The following CLCN1 variants were observed in gnomAD, a reference collection of about 807,000 sequenced individuals.
CLCN1 encodes the protein chloride voltage-gated channel 1, also known as chloride channel protein 1.
Under a neutral mutation model 114.5 loss-of-function variants are expected in CLCN1, and 100 were observed. The observed-to-expected ratio is 0.87, with a 90% confidence interval of 0.74 to 1.03. The LOEUF is 1.03. CLCN1 is among the 50% of genes least tolerant of loss of function. The pLI is 0.00. For synonymous variants in CLCN1, 485 were observed against 487.1 expected, an observed-to-expected ratio of 1.00 and a Z score of 0.06; for missense variants, 1,188 against 1,250.0, an observed-to-expected ratio of 0.95 and a Z score of 0.75.
Position 143,321,015 on chromosome 7 carries a change from C to G in CLCN1, c.433+220C>G, listed in dbSNP as rs1466907896. 6.6e-6 allele frequency among the ~76,000 whole-genome samples: 1 copy of G among 152,148 alleles called. No individual in the cohort carries two copies. Among genetic ancestry groups the G allele is most frequent in the Non-Finnish European group, 1.5e-5 (1 of 68,018 alleles). On this transcript the variant is annotated intron_variant, in intron 3 of 22. Coordinates refer to ENST00000343257, the MANE Select transcript of CLCN1 (RefSeq NM_000083.3). This position sits in a 1 kb window ranked among gnomAD's most constrained non-coding sequence, Gnocchi z 4.2. Reference sequence around the variant, plus strand: ...TCACTGCCACCCAAGCAGTGGATGCCCCTCTAATAGGGTGGCCAACTTGCC... The same window carrying G: ...TCACTGCCACCCAAGCAGTGGATGCGCCTCTAATAGGGTGGCCAACTTGCC...
At chr7:143,331,066 A>G (rs1376859292) in intron 8 of CLCN1, among the ~76,000 whole-genome samples, 166 bp from the exon 9 acceptor site, 1 of 152,172 alleles carries the variant, frequency 6.6e-6, no homozygotes, top group Admixed American at 6.5e-5. Flanking sequence ...ATGGAGTGGG[A>G]GAGTATATCC....
At chr7:143,343,731 T>TC (rs1803151126) in intron 16 of CLCN1, among the ~76,000 whole-genome samples, 1 of 152,070 alleles carries the variant, frequency 6.6e-6, no homozygotes, top group Non-Finnish European at 1.5e-5. Flanking sequence ...TTTCTTTCCT[T>TC]CTTTTTCTTT....
chr7:143,317,678 A>G (rs1802323765), intron 1 of CLCN1, among the ~76,000 whole-genome samples: 2 of 151,952 alleles, frequency 1.3e-5, no homozygotes, highest in South Asian at 4.1e-4. Context: ...TGGGGGTCAA[A>G]AGGATCTGCT....
rs1802439916 is a variant in CLCN1 at position 143,321,702 on chromosome 7, T to G, written c.563-13T>G. 1 of 1,614,240 alleles carries G rather than the reference T, an allele frequency of 6.2e-7. No individual in the cohort carries two copies. The highest frequency in any genetic ancestry group is 8.5e-7 in the Non-Finnish European group (1 of 1,180,042). On this transcript the variant is annotated splice_polypyrimidine_tract_variant and intron_variant, in intron 4 of 22. Transcript: ENST00000343257. The surrounding 1 kb of genome is among the most constrained non-coding windows in gnomAD (Gnocchi z 4.2). ...TCACCTTGACCCTGCACATAATCTT[T>G]CAACGCTTTTAGGCTCTGGAATCCC...
At chr7:143,319,906 G>T (rs781557227) in intron 2 of CLCN1, 31 bp downstream of exon 2, 72 of 1,611,822 alleles carry the variant, frequency 4.5e-5, no homozygotes, top group Middle Eastern at 1.6e-4. Flanking sequence ...AAGAAATCTG[G>T]AGTAGAAACA....
At position 143,321,877 on chromosome 7, in the gene CLCN1, TG is replaced by T; in HGVS notation, c.696+32del. On this transcript the variant is annotated intron_variant, in intron 5 of 22. Transcript: ENST00000343257. This position sits in a 1 kb window ranked among gnomAD's most constrained non-coding sequence, Gnocchi z 4.2. ...GGCCTGGCATGACTGAAGCCAGAGC[TG>T]GGAGGGGCCCTCAGGAGCCAGGGTG... 7 of 1,611,628 alleles carry T rather than the reference TG, an allele frequency of 4.3e-6. No homozygotes were observed. The highest frequency in any genetic ancestry group is 1.3e-5 in the African/African-American group (1 of 74,996).
Position 143,324,433 on chromosome 7 carries a change from A to G in CLCN1, c.794A>G (p.Asp265Gly). ...GVYEQPYYYS[D>G]ILTVGCAVGV... ...TAGTAGCAGCCATACTACTACTCTG[A>G]TATCCTGACGGTGGGCTGTGCTGTG... Residue 265 changes from aspartate (D) to glycine (G), a missense_variant, in exon 7 of 23, where the codon GAT (aspartate) becomes GGT (glycine). By Grantham distance (94) the Asp-to-Gly change is moderately conservative (BLOSUM62 -1). Coordinates refer to ENST00000343257, the MANE Select transcript of CLCN1 (RefSeq NM_000083.3). This position sits in a 1 kb window ranked among gnomAD's most constrained non-coding sequence, Gnocchi z 4.6. 6.2e-7 allele frequency: 1 copy of G among 1,613,746 alleles called. No homozygotes were observed. The highest frequency in any genetic ancestry group is 2.2e-5 in the East Asian group (1 of 44,852).
intron 12 of CLCN1, among the ~76,000 whole-genome samples, chr7:143,338,764 G>A (rs1342458245): frequency 1.3e-5 from 2 of 150,298 alleles, no homozygotes; most frequent in African/African-American, 4.9e-5. Context: ...TCCAGCTTGG[G>A]TGCTGGGTGG....
At position 143,347,000 on chromosome 7, in the gene CLCN1, T is replaced by C. The variant is rs145468503; in HGVS notation, c.2403+51T>C. 7.1e-4 allele frequency: 1,031 copies of C among 1,457,284 alleles called. 4 individuals are homozygous for C. The African/African-American group carries it at 0.011, about 15-fold the overall frequency. The allele number at this position is 1,457,284 out of a possible 1,614,324, so 90.3% of individuals were successfully genotyped here. Reference sequence around the variant, plus strand: ...GGTGGATTGTTCTATCAAATGAAGATATTGCTAATTTGTTTCTACCTTCTT... The same window carrying C: ...GGTGGATTGTTCTATCAAATGAAGACATTGCTAATTTGTTTCTACCTTCTT... On this transcript the variant is annotated intron_variant, in intron 20 of 22. Transcript: ENST00000343257.
chr7:143,335,366 C>T (rs1802847091), intron 12 of CLCN1, among the ~76,000 whole-genome samples: 2 of 152,164 alleles, frequency 1.3e-5, no homozygotes. Context: ...GGCTATATTT[C>T]AAGCCTAACA....
intron 6 of CLCN1, chr7:143,323,748 C>A: frequency 2.0e-6 from 1 of 493,360 alleles, no homozygotes; most frequent in Non-Finnish European, 4.1e-6. Context: ...CAATCCCTCA[C>A]CCTACCTCTT....
rs1054928595 is a variant in CLCN1, at chr7:143,324,081, G to A, written c.775-333G>A. Among the ~76,000 whole-genome samples, 1 of 152,178 alleles carries A rather than the reference G, an allele frequency of 6.6e-6. No homozygotes were observed. Among genetic ancestry groups the A allele is most frequent in the Non-Finnish European group, 1.5e-5 (1 of 68,032 alleles). On this transcript the variant is annotated intron_variant, in intron 6 of 22. Coordinates refer to ENST00000343257, the MANE Select transcript of CLCN1 (RefSeq NM_000083.3). This position sits in a 1 kb window ranked among gnomAD's most constrained non-coding sequence, Gnocchi z 4.6. ...TTATTTTGAGACTGCTTGCTGTTTG[G>A]TGCAGGATTTATTAGTACTGCTTTC...
rs1563078729 is a variant in CLCN1, at chr7:143,330,832, G to A, written c.914G>A (p.Gly305Glu). ...TYFAVRNYWR[G>E]FFAATFSAFV... ...TTTGCTGTTCGGAACTACTGGAGAG[G>A]ATTCTTTGCAGCCACGTTCAGCGCC... Residue 305 changes from glycine (G) to glutamate (E), a missense_variant, in exon 8 of 23, where the codon GGA (glycine) becomes GAA (glutamate). By Grantham distance (98) the Gly-to-Glu change is moderately conservative (BLOSUM62 -2). Coordinates refer to ENST00000343257, the MANE Select transcript of CLCN1 (RefSeq NM_000083.3). The A allele has an allele frequency of 5.0e-6, 8 of 1,614,200 alleles. No individual in the cohort carries two copies. The highest frequency in any genetic ancestry group is 6.8e-6 in the Non-Finnish European group (8 of 1,180,046).
At chr7:143,318,919 C>T (rs144858919) in intron 1 of CLCN1, among the ~76,000 whole-genome samples, 1 of 152,342 alleles carries the variant, frequency 6.6e-6, no homozygotes, top group Non-Finnish European at 1.5e-5. Flanking sequence ...GAAATCAGAT[C>T]TCTTCTACTC....
At chr7:143,320,556 TCTC>T in intron 2 of CLCN1, 105 bp from the exon 3 acceptor site, 1 of 491,056 alleles carries the variant, frequency 2.0e-6, no homozygotes, top group East Asian at 6.3e-5. Context: ...GCTGCTTTTC[TCTC>T]TCTCTCTCTC....
At chr7:143,319,634 G>A in intron 1 of CLCN1, 121 bp from the exon 2 acceptor site, 3 of 1,045,238 alleles carry the variant, frequency 2.9e-6, no homozygotes, top group Non-Finnish European at 4.5e-6. Flanking sequence ...CCTGCATGCA[G>A]TCAACACCCA....
intron 12 of CLCN1, among the ~76,000 whole-genome samples, chr7:143,338,639 T>C (rs1802984603): frequency 6.6e-6 from 1 of 151,824 alleles, no homozygotes; most frequent in Admixed American, 6.6e-5. Context: ...TACAAAAAAT[T>C]AGCTGGGCAT....
At chr7:143,348,048 CA>C (rs1215758013) in intron 20 of CLCN1, among the ~76,000 whole-genome samples, 2 of 151,618 alleles carry the variant, frequency 1.3e-5, no homozygotes, top group East Asian at 3.9e-4. Context: ...ATGAAGCTGA[CA>C]AAAAAAACAC....
At chr7:143,345,289 T>G (rs1031679628) in intron 16 of CLCN1, among the ~76,000 whole-genome samples, 16 of 152,226 alleles carry the variant, frequency 1.1e-4, no homozygotes, top group African/African-American at 3.9e-4. Flanking sequence ...AAGTACAAAT[T>G]AGCCCAATTA....
Sources: gnomAD v4.1 joint callset for allele counts (sites outside exome capture counted in the v4.1 genomes callset) on GRCh38, gnomAD v4.1.1 for gene constraint, Gnocchi (gnomAD v3.1) non-coding constraint, MANE v1.5 for transcripts, NCBI Gene and HGNC (gene_info 2026-07-23, HGNC 2026-07-21) for gene names.